Variants in ALKBH8 observed in about 807,000 individuals in gnomAD.
ALKBH8 encodes the protein tRNA (carboxymethyluridine(34)-5-O)-methyltransferase ALKBH8.
In ALKBH8, 36 loss-of-function variants were observed where a neutral mutation model predicts 59.8. The observed-to-expected ratio is 0.60, with a 90% CI of 0.46 to 0.79. The LOEUF (loss-of-function observed/expected upper bound fraction) is 0.79, where lower values mean the gene tolerates loss of function less well. Ranked by LOEUF, ALKBH8 falls within the 30% of genes least tolerant of loss-of-function variation. The probability of loss-of-function intolerance (pLI) is 0.00; values close to 1 mark genes in which losing one functional copy is unlikely to be tolerated. For missense variants in ALKBH8, 768 were observed against 801.0 expected (o/e 0.96, Z 0.50); for synonymous variants, 276 against 273.6 (o/e 1.01, Z -0.09).
chr11:107,538,650 C>A (rs151128182), intron 7 of ALKBH8, among the ~76,000 whole-genome samples: 1 of 152,240 alleles, frequency 6.6e-6, no homozygotes, highest in African/African-American at 2.4e-5. Context: ...TACAAGAGAA[C>A]AAAAATGCCA....
At chr11:107,558,382 G>C (rs766397808) in intron 2 of ALKBH8, among the ~76,000 whole-genome samples, 16 of 152,222 alleles carry the variant, frequency 1.1e-4, no homozygotes, top group Non-Finnish European at 1.9e-4. Flanking sequence ...TGGAGTCTCA[G>C]ATGGCTTGCC....
At position 107,560,843 on chromosome 11, in the gene ALKBH8, C is replaced by T; in HGVS notation, c.51G>A (p.Lys17=). 6.2e-7 allele frequency: 1 copy of T among 1,613,086 alleles called. No individual in the cohort carries two copies. The highest frequency in any genetic ancestry group is 8.5e-7 in the Non-Finnish European group (1 of 1,179,548). Residue 17 remains lysine (K), a synonymous_variant, in exon 2 of 12, where the codon AAG becomes AAA. Coordinates refer to ENST00000428149, the MANE Select transcript of ALKBH8 (RefSeq NM_138775.3). ...TGGCTTTAATCTGTTTCCTTAAGAA[C>T]TTCTTCTCAGTTTTACTGAGTTTGT... is the stretch of plus-strand genomic sequence containing the variant. ...SNYKLSKTEK[K]FLRKQIKAKH... is the part of the protein sequence containing the mutation.
intron 9 of ALKBH8, 126 bp from the exon 10 acceptor site, chr11:107,522,681 T>C (rs1386014951): frequency 8.5e-7 from 1 of 1,174,614 alleles, no homozygotes; most frequent in African/African-American, 1.6e-5. Context: ...ATTTATCCGT[T>C]AAAAGAAAAA....
intron 10 of ALKBH8, among the ~76,000 whole-genome samples, chr11:107,514,144 A>C (rs564215526): frequency 7.3e-4 from 111 of 152,296 alleles, no homozygotes; most frequent in Middle Eastern, 3.4e-3. Flanking sequence ...TGCAGTGAAG[A>C]ATGTAATATT....
At chr11:107,541,246 T>C (rs1399045004) in intron 7 of ALKBH8, among the ~76,000 whole-genome samples, 2 of 152,306 alleles carry the variant, frequency 1.3e-5, no homozygotes, top group East Asian at 1.9e-4. Context: ...CTACTATTCA[T>C]ATTACTAACT....
intron 11 of ALKBH8, among the ~76,000 whole-genome samples, chr11:107,506,769 T>C (rs1862405178): frequency 6.6e-6 from 1 of 152,062 alleles, no homozygotes; most frequent in Non-Finnish European, 1.5e-5. Flanking sequence ...GCTGAGAGAA[T>C]GTGTCACTAA....
intron 1 of ALKBH8, among the ~76,000 whole-genome samples, chr11:107,562,348 CAGG>C (rs1258646104): frequency 6.9e-6 from 1 of 144,390 alleles, no homozygotes; most frequent in Admixed American, 6.9e-5. Context: ...GGCCTCAAAA[CAGG>C]AGATTTGTGC....
chr11:107,506,108 A>C (rs1267839418), intron 11 of ALKBH8, among the ~76,000 whole-genome samples: 1 of 152,228 alleles, frequency 6.6e-6, no homozygotes, highest in Non-Finnish European at 1.5e-5. Flanking sequence ...ATTGGAATTT[A>C]AGATCTGCCA....
At chr11:107,540,316 T>A (rs1863984779) in intron 7 of ALKBH8, among the ~76,000 whole-genome samples, 1 of 152,192 alleles carries the variant, frequency 6.6e-6, no homozygotes, top group Non-Finnish European at 1.5e-5. Context: ...CTTCCAAAAC[T>A]AGGCCTCAGC....
rs768799512 is a variant in ALKBH8 at position 107,556,723 on chromosome 11, AC to A, written c.367+42del. On this transcript the variant is annotated intron_variant, in intron 3 of 11. Transcript: ENST00000428149. ...CAACTTAAGTCTATGAAAAGAAAAC[AC>A]CCAGAAGAATCATTTTTTAAAAGAT... 4 of 1,287,290 alleles carry A rather than the reference AC, an allele frequency of 3.1e-6. No individual in the cohort carries two copies. In the South Asian group the frequency reaches 1.1e-4, roughly 35 times the overall value. 79.7% of individuals were successfully genotyped at this position (1,287,290 alleles called of 1,614,324 possible).
At chr11:107,505,625 T>C (rs1455047686) in intron 11 of ALKBH8, among the ~76,000 whole-genome samples, 1 of 152,224 alleles carries the variant, frequency 6.6e-6, no homozygotes, top group Non-Finnish European at 1.5e-5. Flanking sequence ...ACGAAGTTGT[T>C]TGTATTAATT....
At chr11:107,537,984 G>A (rs985750384) in intron 7 of ALKBH8, among the ~76,000 whole-genome samples, 1 of 151,930 alleles carries the variant, frequency 6.6e-6, no homozygotes, top group Non-Finnish European at 1.5e-5. Flanking sequence ...ACTTTCATTT[G>A]GAATTGGGCC....
At chr11:107,514,151 T>C (rs1436150098) in intron 10 of ALKBH8, among the ~76,000 whole-genome samples, 3 of 152,268 alleles carry the variant, frequency 2.0e-5, no homozygotes, top group East Asian at 1.9e-4. Context: ...AAGAATGTAA[T>C]ATTGTCTCTG....
chr11:107,522,514 G>A lies in ALKBH8; in HGVS notation c.1072C>T (p.Pro358Ser). 2 of 1,551,596 alleles carry A rather than the reference G, an allele frequency of 1.3e-6. No homozygotes were observed. Among genetic ancestry groups the A allele is most frequent in the East Asian group, 2.4e-5 (1 of 40,922 alleles). ...VCDSQRKETP[P>S]SFPESDKEAS... is the part of the protein sequence containing the mutation. Reference sequence around the variant, plus strand: ...TCTTTATCACTCTCTGGAAATGAGGGGGGAGTCTCTTTCCTCTGGCTATCA... The same window carrying A: ...TCTTTATCACTCTCTGGAAATGAGGAGGGAGTCTCTTTCCTCTGGCTATCA... The change falls in exon 10 of 12, where the codon CCC becomes TCC. Residue 358 changes from proline (P) to serine (S), a missense_variant. By Grantham distance (74) the Pro-to-Ser change is moderately conservative. Coordinates refer to ENST00000428149, the MANE Select transcript of ALKBH8 (RefSeq NM_138775.3).
At chr11:107,553,674 A>C (rs114024051) in intron 4 of ALKBH8, among the ~76,000 whole-genome samples, 173 bp downstream of exon 4, 4,201 of 152,250 alleles carry the variant, frequency 0.028, 79 homozygotes, top group East Asian at 0.064. Flanking sequence ...ATAGCTATAT[A>C]AATGTTATTT....
At chr11:107,541,040 C>T (rs1445786603) in intron 7 of ALKBH8, among the ~76,000 whole-genome samples, 1 of 152,032 alleles carries the variant, frequency 6.6e-6, no homozygotes, top group Non-Finnish European at 1.5e-5. Context: ...CACAAAGAAC[C>T]AAAATGAGAC....
chr11:107,539,338 G>A (rs1189589016), intron 7 of ALKBH8, among the ~76,000 whole-genome samples: 1 of 152,158 alleles, frequency 6.6e-6, no homozygotes, highest in Non-Finnish European at 1.5e-5. Context: ...GGTGGCTCAC[G>A]CCTGTAATCC....
At chr11:107,507,451 C>T (rs1244036546) in intron 11 of ALKBH8, among the ~76,000 whole-genome samples, 1 of 151,698 alleles carries the variant, frequency 6.6e-6, no homozygotes, top group East Asian at 1.9e-4. Flanking sequence ...TGGGAAATAT[C>T]GGGAAATTAA....
At chr11:107,532,694 G>C (rs1440569604) in intron 7 of ALKBH8, among the ~76,000 whole-genome samples, 1 of 152,120 alleles carries the variant, frequency 6.6e-6, no homozygotes, top group Non-Finnish European at 1.5e-5. Context: ...GAAGCAGGTG[G>C]TCTCAGGATC....
Sources: gnomAD v4.1 joint callset for allele counts (sites outside exome capture counted in the v4.1 genomes callset) on GRCh38, gnomAD v4.1.1 for gene constraint, MANE v1.5 for transcripts, NCBI Gene and HGNC (gene_info 2026-07-23, HGNC 2026-07-21) for gene names.